Variants in PRKCA observed in about 807,000 individuals in gnomAD.
The protein encoded by PRKCA is protein kinase C alpha type.
In PRKCA, 27 loss-of-function variants were observed where a neutral mutation model predicts 87.0. The ratio of observed to expected loss-of-function variants is 0.31; its 90% CI spans 0.23 to 0.43. The LOEUF (loss-of-function observed/expected upper bound fraction) is 0.43, where lower values mean the gene tolerates loss of function less well. Ranked by LOEUF, PRKCA falls within the 20% of genes least tolerant of loss-of-function variation. The pLI is 1.00. For missense variants in PRKCA, 518 were observed against 852.3 expected (o/e 0.61, Z 4.88); for synonymous variants, 329 against 311.1 (o/e 1.06, Z -0.61).
intron 2 of PRKCA, among the ~76,000 whole-genome samples, chr17:66,324,639 T>A (rs766621372): frequency 1.3e-5 from 2 of 152,072 alleles, no homozygotes; most frequent in Admixed American, 6.6e-5. Context: ...ATTTATAAGT[T>A]AATATATAAA....
intron 2 of PRKCA, among the ~76,000 whole-genome samples, chr17:66,477,928 T>G (rs527465926): frequency 1.1e-4 from 16 of 152,314 alleles, no homozygotes; most frequent in African/African-American, 3.8e-4. Context: ...CTCTAATTCT[T>G]GTTTGACCTA....
chr17:66,358,047 A>C (rs1410676737), intron 2 of PRKCA, among the ~76,000 whole-genome samples: 3 of 152,218 alleles, frequency 2.0e-5, no homozygotes, highest in Non-Finnish European at 4.4e-5. Context: ...TTCTGGAGTT[A>C]ACATTTTATA....
chr17:66,784,332 G>A (rs565402362), intron 14 of PRKCA, among the ~76,000 whole-genome samples: 71 of 152,310 alleles, frequency 4.7e-4, no homozygotes, highest in African/African-American at 1.7e-3. Context: ...TGCAACTTCC[G>A]CCTCCTGGGT....
intron 2 of PRKCA, among the ~76,000 whole-genome samples, chr17:66,441,446 C>T (rs1301095296): frequency 6.6e-6 from 1 of 151,960 alleles, no homozygotes; most frequent in Non-Finnish European, 1.5e-5. Context: ...GAACCTACTT[C>T]CCCTTTCACT....
At chr17:66,618,559 C>T (rs1206036892) in intron 3 of PRKCA, among the ~76,000 whole-genome samples, 1 of 152,048 alleles carries the variant, frequency 6.6e-6, no homozygotes, top group East Asian at 1.9e-4. Context: ...TTTTAAAAAA[C>T]TTTACTACCA....
intron 2 of PRKCA, among the ~76,000 whole-genome samples, chr17:66,482,098 C>CAAAAAAAAAAAAAAAAAAAAAAAAAAA (rs58719328): frequency 1.1e-5 from 1 of 89,342 alleles, no homozygotes; most frequent in Non-Finnish European, 2.1e-5. Flanking sequence ...AAGACTGTCT[C>CAAAAAAAAAAAAAAAAAAAAAAAAAAA]AAAAAAAAAA....
chr17:66,399,145 C>T (rs1910868425), intron 2 of PRKCA, among the ~76,000 whole-genome samples: 1 of 143,210 alleles, frequency 7.0e-6, no homozygotes, highest in Non-Finnish European at 1.5e-5. Flanking sequence ...GTCTTCCGGG[C>T]TGGAGTACAG....
At chr17:66,578,905 C>T (rs1369533472) in intron 3 of PRKCA, among the ~76,000 whole-genome samples, 4 of 152,240 alleles carry the variant, frequency 2.6e-5, no homozygotes, top group African/African-American at 7.2e-5. Context: ...TGGCTCCCCG[C>T]GCAGCTCGCC....
At chr17:66,761,832 G>T (rs761297505) in intron 13 of PRKCA, among the ~76,000 whole-genome samples, 9 of 151,976 alleles carry the variant, frequency 5.9e-5, no homozygotes, top group Non-Finnish European at 1.2e-4. Flanking sequence ...GTATCTTAGC[G>T]TATTTGTCTG....
intron 3 of PRKCA, among the ~76,000 whole-genome samples, chr17:66,526,357 T>G (rs1418766027): frequency 2.6e-5 from 4 of 152,186 alleles, no homozygotes; most frequent in African/African-American, 9.7e-5. Flanking sequence ...ACAACAATCA[T>G]GTTATCGCTT....
chr17:66,680,151 C>G (rs77405827), intron 5 of PRKCA, among the ~76,000 whole-genome samples: 2,274 of 152,318 alleles, frequency 0.015, 67 homozygotes, highest in African/African-American at 0.052. Flanking sequence ...CTGTTTCCAG[C>G]ACTTACCTGC....
At chr17:66,770,968 G>A (rs574588498) in intron 13 of PRKCA, among the ~76,000 whole-genome samples, 2 of 151,934 alleles carry the variant, frequency 1.3e-5, no homozygotes, top group South Asian at 4.2e-4. Flanking sequence ...ACTGGTGGGA[G>A]TGAGCGTGCT....
intron 8 of PRKCA, among the ~76,000 whole-genome samples, chr17:66,691,063 C>A (rs1972772765): frequency 6.6e-6 from 1 of 151,750 alleles, no homozygotes; most frequent in African/African-American, 2.4e-5. Context: ...ATCACTTGAA[C>A]CTGGGAGGCA....
chr17:66,582,028 G>C (rs1202549769), intron 3 of PRKCA, among the ~76,000 whole-genome samples: 1 of 152,194 alleles, frequency 6.6e-6, no homozygotes, highest in Non-Finnish European at 1.5e-5. Flanking sequence ...CCCATCTGAA[G>C]AGTCACGGAG....
At chr17:66,682,504 G>A (rs779554095) in intron 5 of PRKCA, among the ~76,000 whole-genome samples, 18 of 152,344 alleles carry the variant, frequency 1.2e-4, no homozygotes, top group Admixed American at 5.2e-4. Context: ...CATTCTTCCC[G>A]CGTTCCCTGC....
At chr17:66,499,914 C>A (rs1209454606) in intron 3 of PRKCA, among the ~76,000 whole-genome samples, 3 of 152,210 alleles carry the variant, frequency 2.0e-5, no homozygotes, top group Non-Finnish European at 4.4e-5. Flanking sequence ...CAGTGTCAGA[C>A]ATCTCATGCC....
chr17:66,378,067 A>G (rs1008147548), intron 2 of PRKCA, among the ~76,000 whole-genome samples: 5 of 152,312 alleles, frequency 3.3e-5, no homozygotes, highest in African/African-American at 1.2e-4. Context: ...TTACGCCTGT[A>G]ATCCCAGCAC....
intron 2 of PRKCA, among the ~76,000 whole-genome samples, chr17:66,459,116 T>C (rs530766420): frequency 2.0e-4 from 31 of 151,630 alleles, no homozygotes; most frequent in African/African-American, 7.5e-4. Flanking sequence ...CTTACGCCTG[T>C]AATCCTAACA....
intron 13 of PRKCA, among the ~76,000 whole-genome samples, chr17:66,773,552 CTA>C (rs1223732431): frequency 7.3e-6 from 1 of 136,966 alleles, no homozygotes; most frequent in African/African-American, 2.7e-5. Flanking sequence ...CAGGATCTTA[CTA>C]TGTCACCCAA....
Sources: allele counts gnomAD v4.1 joint callset (sites outside exome capture counted in the v4.1 genomes callset), GRCh38; gene constraint gnomAD v4.1.1; transcripts MANE v1.5; gene names NCBI Gene and HGNC (gene_info 2026-07-23, HGNC 2026-07-21).